Variants in ARID1A observed in about 807,000 individuals in gnomAD.
The protein encoded by ARID1A is AT-rich interaction domain 1A, also known as AT-rich interactive domain-containing protein 1A.
ARID1A carries 20 observed loss-of-function variants against 212.6 expected under a neutral mutation model. The observed-to-expected ratio is 0.09, with a 90% confidence interval of 0.07 to 0.14. The LOEUF is 0.14. ARID1A is among the 10% of genes least tolerant of loss of function. ARID1A has a pLI of 1.00. For missense variants in ARID1A, 2,587 were observed against 3,059.0 expected, an observed-to-expected ratio of 0.85 and a Z score of 3.64; for synonymous variants, 1,376 against 1,222.1, an observed-to-expected ratio of 1.13 and a Z score of -2.63.
chr1:26,742,375 A>T (rs1231075247), intron 4 of ARID1A, among the ~76,000 whole-genome samples: 1 of 152,152 alleles, frequency 6.6e-6, no homozygotes, highest in Admixed American at 6.5e-5. Context: ...TGAACCGTTG[A>T]CTAGAGTTTG....
In ARID1A at chr1:26,771,218, C is replaced by G. The variant is rs1356577234; in HGVS notation, c.3298C>G (p.Leu1100Val). The change falls in exon 12 of 20, where the codon CTC becomes GTC. Residue 1100 changes from leucine (L) to valine (V), a missense_variant. Coordinates refer to ENST00000324856, the MANE Select transcript of ARID1A (RefSeq NM_006015.6). The surrounding 1 kb of genome is among the most constrained non-coding windows in gnomAD (Gnocchi z 5.4). ...SSLKKQYIQC[L>V]YAFECKIERG... ...CTTGAAAAAGCAGTATATCCAGTGTCTCTATGCCTTTGAATGCAAGATTGA... is the reference window on the plus strand; with the variant it reads ...CTTGAAAAAGCAGTATATCCAGTGTGTCTATGCCTTTGAATGCAAGATTGA... 6.2e-7 allele frequency: 1 copy of G among 1,614,210 alleles called. No homozygotes were observed. Among genetic ancestry groups the G allele is most frequent in the Non-Finnish European group, 8.5e-7 (1 of 1,180,036 alleles).
intron 2 of ARID1A, among the ~76,000 whole-genome samples, chr1:26,730,340 T>G (rs2080662460): frequency 6.6e-6 from 1 of 152,200 alleles, no homozygotes; most frequent in Non-Finnish European, 1.5e-5. Flanking sequence ...TTAACAGCAT[T>G]GATACAAATG....
intron 1 of ARID1A, among the ~76,000 whole-genome samples, chr1:26,707,190 C>T (rs1265220598): frequency 6.9e-6 from 1 of 145,350 alleles, no homozygotes; most frequent in Non-Finnish European, 1.5e-5. Context: ...TGCGCCACCG[C>T]GGCTGGCTAA....
At chr1:26,709,539 A>G (rs2080429123) in intron 1 of ARID1A, among the ~76,000 whole-genome samples, 1 of 151,196 alleles carries the variant, frequency 6.6e-6, no homozygotes, top group Admixed American at 6.6e-5. Flanking sequence ...TTCAGGAGAG[A>G]TAGAATTGAG....
intron 12 of ARID1A, chr1:26,772,169 A>G: frequency 3.5e-6 from 1 of 281,716 alleles, no homozygotes; most frequent in Non-Finnish European, 6.8e-6. Flanking sequence ...CACCAGCATT[A>G]CAGGGTTTAG....
At chr1:26,708,655 C>T (rs2080419111) in intron 1 of ARID1A, among the ~76,000 whole-genome samples, 2 of 151,526 alleles carry the variant, frequency 1.3e-5, no homozygotes, top group Middle Eastern at 3.5e-3. Flanking sequence ...TATTACTTTT[C>T]CAGAAACTTG....
chr1:26,719,644 A>G lies in ARID1A; in HGVS notation c.1138-10007A>G, dbSNP rs2080540815. Among the ~76,000 whole-genome samples the G allele has an allele frequency of 4.6e-5, 7 of 151,900 alleles. No individual in the cohort carries two copies. The South Asian group carries it at 1.5e-3, about 32-fold the overall frequency. On this transcript the variant is annotated intron_variant, in intron 1 of 19. Coordinates refer to ENST00000324856, the MANE Select transcript of ARID1A (RefSeq NM_006015.6). Reference sequence around the variant, plus strand: ...TATACTTTTTTTTTTTTTCTTTTTAAAAAGGTACAACTGAGGCCGGGCACA... The same window carrying G: ...TATACTTTTTTTTTTTTTCTTTTTAGAAAGGTACAACTGAGGCCGGGCACA...
intron 4 of ARID1A, 130 bp downstream of exon 4, chr1:26,732,922 C>T (rs2080694555): frequency 1.3e-6 from 1 of 761,886 alleles, no homozygotes; most frequent in Admixed American, 2.4e-5. Flanking sequence ...ATTCAAGGAA[C>T]TTAAAGGCTG....
intron 8 of ARID1A, 107 bp downstream of exon 8, chr1:26,763,392 T>C: frequency 7.7e-7 from 1 of 1,293,470 alleles, no homozygotes; most frequent in East Asian, 2.5e-5. Flanking sequence ...AAAATGGGTG[T>C]GTGTGTATGA....
At chr1:26,721,163 A>C (rs1570566521) in intron 1 of ARID1A, among the ~76,000 whole-genome samples, 1 of 152,112 alleles carries the variant, frequency 6.6e-6, no homozygotes, top group Non-Finnish European at 1.5e-5. Flanking sequence ...TTCTTGTTTC[A>C]TAGTTTTCTT....
At chr1:26,707,585 C>G (rs184500278) in intron 1 of ARID1A, among the ~76,000 whole-genome samples, 1 of 151,770 alleles carries the variant, frequency 6.6e-6, no homozygotes, top group Non-Finnish European at 1.5e-5. Flanking sequence ...TCAGGTGATC[C>G]GCCGGCTTTG....
chr1:26,732,651 A>G lies in ARID1A; in HGVS notation c.1804-25A>G, dbSNP rs776376843. ...CCTGGTTTATCAATACCAGGCCATC[A>G]CAGCTTTTGTTTTTCTTGTTGTAGG... On this transcript the variant is annotated intron_variant, in intron 3 of 19. Coordinates refer to ENST00000324856, the MANE Select transcript of ARID1A (RefSeq NM_006015.6). 7.6e-6 allele frequency: 12 copies of G among 1,569,690 alleles called. No individual in the cohort carries two copies. The East Asian group carries it at 1.1e-4, about 15-fold the overall frequency.
chr1:26,763,807 G>T (rs922668929), intron 8 of ARID1A, among the ~76,000 whole-genome samples: 1 of 152,116 alleles, frequency 6.6e-6, no homozygotes, highest in Non-Finnish European at 1.5e-5. Context: ...GGGGTCTTTT[G>T]AGACAGGACC....
chr1:26,737,655 C>T (rs1209213088), intron 4 of ARID1A, among the ~76,000 whole-genome samples: 2 of 151,968 alleles, frequency 1.3e-5, no homozygotes, highest in Non-Finnish European at 2.9e-5. Context: ...CACCTGAGGT[C>T]GAGAGTTTGA....
chr1:26,729,589 T>C, intron 1 of ARID1A, 62 bp from the exon 2 acceptor site: 1 of 1,575,410 alleles, frequency 6.3e-7, no homozygotes. Flanking sequence ...GTACTTGGGT[T>C]ATATATTCAG....
chr1:26,778,068 C>CG (rs1300343546), intron 19 of ARID1A: 1 of 101,110 alleles, frequency 9.9e-6, no homozygotes, highest in Non-Finnish European at 2.0e-5. Flanking sequence ...GACTCTGTCT[C>CG]AAAAAAAAAA....
Position 26,731,322 on chromosome 1 carries a change from A to T in ARID1A, c.1521A>T (p.Gln507His). 1 of 1,613,408 alleles carries T rather than the reference A, an allele frequency of 6.2e-7. No individual in the cohort carries two copies. The highest frequency in any genetic ancestry group is 1.1e-5 in the South Asian group (1 of 91,018). ...CGTATCAGCAGCAGCCACAGTCTCA[A>T]CCACCACAGCTCCAGTCCTCTCAGC... ...QPSYQQQPQS[Q>H]PPQLQSSQPP... Residue 507 changes from glutamine to histidine, a missense_variant, in exon 3 of 20, where the codon CAA becomes CAT. Physicochemically the swap from Gln to His is conservative, Grantham distance 24. Transcript: ENST00000324856.
At chr1:26,720,719 C>CCCCATCTCTA (rs2080555448) in intron 1 of ARID1A, among the ~76,000 whole-genome samples, 1 of 151,870 alleles carries the variant, frequency 6.6e-6, no homozygotes, top group South Asian at 2.1e-4. Flanking sequence ...TCTACAAAAA[C>CCCCATCTCTA]TGGCTATGAT....
intron 1 of ARID1A, 52 bp downstream of exon 1, chr1:26,697,592 G>T: frequency 7.8e-7 from 1 of 1,277,920 alleles, no homozygotes; most frequent in East Asian, 3.2e-5. Flanking sequence ...CTGGGGGTGG[G>T]TGGCGGCTGC....
Sources: allele counts gnomAD v4.1 joint callset (sites outside exome capture counted in the v4.1 genomes callset), GRCh38; gene constraint gnomAD v4.1.1; non-coding constraint Gnocchi (gnomAD v3.1); transcripts MANE v1.5; gene names NCBI Gene and HGNC (gene_info 2026-07-23, HGNC 2026-07-21).